The following PDE10A variants were observed in gnomAD, a reference collection of about 807,000 sequenced individuals.
The protein encoded by PDE10A is phosphodiesterase 10A.
In PDE10A, 39 loss-of-function variants were observed where a neutral mutation model predicts 97.7. The ratio of observed to expected loss-of-function variants is 0.40; its 90% CI spans 0.31 to 0.52. The LOEUF (loss-of-function observed/expected upper bound fraction) is 0.52. Among genes scored for constraint, PDE10A ranks in the 20% least tolerant of loss-of-function variants. The pLI is 0.56. For missense variants in PDE10A, 731 were observed against 1,047.8 expected, an observed-to-expected ratio of 0.70 and a Z score of 4.17; for synonymous variants, 371 against 376.8, an observed-to-expected ratio of 0.98 and a Z score of 0.18.
intron 1 of PDE10A, among the ~76,000 whole-genome samples, chr6:165,694,343 G>A (rs1791387074): frequency 6.6e-6 from 1 of 152,254 alleles, no homozygotes; most frequent in Admixed American, 6.5e-5. Context: ...AGGGCAGCCT[G>A]CCTCAATTAG....
intron 1 of PDE10A, among the ~76,000 whole-genome samples, chr6:165,635,506 C>T (rs182106845): frequency 3.9e-5 from 6 of 151,980 alleles, no homozygotes; most frequent in African/African-American, 7.3e-5. Flanking sequence ...TGCATGCACG[C>T]GTGCACGACC....
In PDE10A at chr6:165,655,433, A is replaced by G. The variant is rs940081683; in HGVS notation, c.865+6514T>C. On this transcript the variant is annotated intron_variant, in intron 1 of 21. Coordinates refer to ENST00000539869, the MANE Select transcript of PDE10A (RefSeq NM_001385079.1). This position sits in a 1 kb window ranked among gnomAD's most constrained non-coding sequence, Gnocchi z 4.5. ...ATCCCAGTGAACAGCCCCACCATTT[A>G]CCCAATCTTTCCAGCCAAAAACCCA... Among the ~76,000 whole-genome samples the G allele has an allele frequency of 2.0e-5, 3 of 151,606 alleles. No homozygotes were observed. Among genetic ancestry groups the G allele is most frequent in the Non-Finnish European group, 2.9e-5 (2 of 67,882 alleles).
At chr6:165,527,333 ACAGGTCCAGGCTAACATG>A (rs1303512986) in intron 2 of PDE10A, among the ~76,000 whole-genome samples, 1 of 152,184 alleles carries the variant, frequency 6.6e-6, no homozygotes, top group Non-Finnish European at 1.5e-5. Flanking sequence ...AGGCTCTGCA[ACAGGTCCAGGCTAACATG>A]CAAGCTGCTC....
intron 1 of PDE10A, among the ~76,000 whole-genome samples, chr6:165,621,129 A>C (rs564386226): frequency 1.3e-5 from 2 of 152,210 alleles, no homozygotes; most frequent in African/African-American, 4.8e-5. Context: ...GAGTATTTGA[A>C]GAAAAAAAAT....
intron 1 of PDE10A, among the ~76,000 whole-genome samples, chr6:165,845,012 G>A (rs1218407760): frequency 1.3e-5 from 2 of 152,190 alleles, no homozygotes; most frequent in Non-Finnish European, 2.9e-5. Flanking sequence ...ATGCTTATTA[G>A]CATCAAGGGA....
chr6:165,802,004 T>A (rs1778999061), intron 1 of PDE10A, among the ~76,000 whole-genome samples: 1 of 152,144 alleles, frequency 6.6e-6, no homozygotes, highest in African/African-American at 2.4e-5. Context: ...GCCTGGAACT[T>A]CTGTCATAAA....
chr6:165,886,997 A>C lies in PDE10A; in HGVS notation c.-615+100532T>G, dbSNP rs1445305931. 2.0e-5 allele frequency among the ~76,000 whole-genome samples: 3 copies of C among 152,260 alleles called. No individual in the cohort carries two copies. The East Asian group carries it at 5.8e-4, about 29-fold the overall frequency. ...TTTAAAATAAATAAATAAGTTTCCT[A>C]TAGTAAGAGGACAAAGAAAAACATG... On this transcript the variant is annotated intron_variant, in intron 1 of 19. Transcript: ENST00000366882.
chr6:165,598,576 T>C (rs1484668039), intron 1 of PDE10A, among the ~76,000 whole-genome samples: 2 of 152,140 alleles, frequency 1.3e-5, no homozygotes, highest in African/African-American at 4.8e-5. Context: ...CTCAGATCTG[T>C]AAAATGGTGA....
At position 165,953,912 on chromosome 6, in the gene PDE10A, C is replaced by G. The variant is rs540645901; in HGVS notation, c.-615+33617G>C. The stretch of plus-strand genomic sequence containing the variant: ...GTCCTCAAATTCCCCTGTGTCCCAC[C>G]TCTTCATCTCTCCATCCTCCCGAGC... On this transcript the variant is annotated intron_variant, in intron 1 of 19. Coordinates refer to the PDE10A transcript ENST00000366882. 9.8e-5 allele frequency among the ~76,000 whole-genome samples: 15 copies of G among 152,308 alleles called. No individual in the cohort carries two copies. The East Asian group carries it at 2.7e-3, about 27-fold the overall frequency.
chr6:165,548,555 A>G (rs2128327326), intron 1 of PDE10A, among the ~76,000 whole-genome samples: 1 of 152,240 alleles, frequency 6.6e-6, no homozygotes, highest in Non-Finnish European at 1.5e-5. Flanking sequence ...TTGAAAATTG[A>G]CATTAGTCCT....
intron 1 of PDE10A, among the ~76,000 whole-genome samples, chr6:165,748,443 C>T (rs1441428920): frequency 1.3e-5 from 2 of 152,170 alleles, no homozygotes; most frequent in Non-Finnish European, 2.9e-5. Flanking sequence ...AATGCACAAG[C>T]GCACTCTCCG....
chr6:165,667,224 T>C (rs1790519661), upstream of PDE10A, among the ~76,000 whole-genome samples: 5 of 152,196 alleles, frequency 3.3e-5, no homozygotes, highest in South Asian at 1.0e-3. Context: ...TTTATTTCCA[T>C]TGGTTTTTGG....
At position 165,355,281 on chromosome 6, in the gene PDE10A, A is replaced by C. The variant is rs188393077; in HGVS notation, c.2784-11779T>G. On this transcript the variant is annotated intron_variant, in intron 18 of 21. Transcript: ENST00000539869. ...GAAGGATATTAGTGAGTATGAAAAT[A>C]TATGCAGTCTGTAATGACCACACCA... Among the ~76,000 whole-genome samples, 6 of 152,310 alleles carry C rather than the reference A, an allele frequency of 3.9e-5. No individual in the cohort carries two copies. The East Asian group carries it at 1.2e-3, about 29-fold the overall frequency.
rs1021250219 is a variant in PDE10A at position 165,894,454 on chromosome 6, A to C, written c.-615+93075T>G. On this transcript the variant is annotated intron_variant, in intron 1 of 19. Coordinates refer to the PDE10A transcript ENST00000366882. The stretch of plus-strand genomic sequence containing the variant: ...GCCTGCATTCAGGCTCCAAAAAATC[A>C]ATTGAACAAGTGGTGGAGAGGGAAA... 1.5e-5 allele frequency: 7 copies of C among 456,000 alleles called. No individual in the cohort carries two copies. The East Asian group carries it at 4.9e-4, about 32-fold the overall frequency. 28.2% of individuals were successfully genotyped at this position (456,000 alleles called of 1,614,324 possible).
At chr6:165,447,437 A>G (rs2128247586) in intron 5 of PDE10A, among the ~76,000 whole-genome samples, 1 of 152,320 alleles carries the variant, frequency 6.6e-6, no homozygotes, top group Admixed American at 6.5e-5. Flanking sequence ...ACCCGAGGAT[A>G]AGGGGTTGGA....
At chr6:165,334,148 A>T (rs1781499251) in intron 21 of PDE10A, among the ~76,000 whole-genome samples, 1 of 152,240 alleles carries the variant, frequency 6.6e-6, no homozygotes, top group African/African-American at 2.4e-5. Context: ...TTAAGCGTTA[A>T]TAAGATTAAA....
At chr6:165,625,399 G>C (rs1788335811) in intron 1 of PDE10A, among the ~76,000 whole-genome samples, 1 of 152,248 alleles carries the variant, frequency 6.6e-6, no homozygotes, top group Non-Finnish European at 1.5e-5. Context: ...GATACTAAGA[G>C]TGGAGCCAAG....
rs71026692 is a variant in PDE10A, at chr6:165,530,269, ATGTGTG to A, written c.994+13165_994+13170del. Among the ~76,000 whole-genome samples, 369 of 148,244 alleles carry A rather than the reference ATGTGTG, an allele frequency of 2.5e-3. 1 individual carries two copies. The highest frequency in any genetic ancestry group is 8.8e-3 in the African/African-American group (352 of 39,926). ...ACTTTAAGTAAAATCCTCTTTATAT[ATGTGTG>A]TGTGTGTGTGTGTGTGTGTGTGTAC... On this transcript the variant is annotated intron_variant, in intron 2 of 21. Transcript: ENST00000539869.
chr6:165,474,269 A>C (rs1345228446), intron 3 of PDE10A, among the ~76,000 whole-genome samples: 1 of 152,192 alleles, frequency 6.6e-6, no homozygotes, highest in East Asian at 1.9e-4. Context: ...CCAGTCCCTC[A>C]TGGCCCAACA....
Sources: allele counts gnomAD v4.1 joint callset (sites outside exome capture counted in the v4.1 genomes callset), GRCh38; gene constraint gnomAD v4.1.1; non-coding constraint Gnocchi (gnomAD v3.1); transcripts MANE v1.5; gene names NCBI Gene and HGNC (gene_info 2026-07-23, HGNC 2026-07-21).